Variants in NCKAP5 observed in about 807,000 individuals in gnomAD.
The protein encoded by NCKAP5 is nck-associated protein 5.
NCKAP5 carries 92 observed loss-of-function variants against 167.0 expected under a neutral mutation model. That is an observed-to-expected ratio of 0.55 (90% CI 0.47 to 0.66). The LOEUF (loss-of-function observed/expected upper bound fraction) is 0.66. NCKAP5 is among the 30% of genes least tolerant of loss of function. The pLI is 0.00. For missense variants in NCKAP5, 2,378 were observed against 2,315.0 expected (o/e 1.03, Z -0.56); for synonymous variants, 891 against 877.4 (o/e 1.02, Z -0.27).
intron 6 of NCKAP5, among the ~76,000 whole-genome samples, chr2:133,077,982 A>G (rs1366287693): frequency 6.6e-6 from 1 of 152,178 alleles, no homozygotes; most frequent in Non-Finnish European, 1.5e-5. Flanking sequence ...TCTCTGAAGA[A>G]AAAAGAAGAC....
At chr2:132,988,620 G>A (rs2077364846) in intron 7 of NCKAP5, among the ~76,000 whole-genome samples, 1 of 152,142 alleles carries the variant, frequency 6.6e-6, no homozygotes, top group Non-Finnish European at 1.5e-5. Flanking sequence ...GCTTCCCTTA[G>A]GGCAGACAGA....
At chr2:133,446,440 T>C (rs1455523922) in intron 3 of NCKAP5, among the ~76,000 whole-genome samples, 1 of 152,202 alleles carries the variant, frequency 6.6e-6, no homozygotes, top group Non-Finnish European at 1.5e-5. Flanking sequence ...TAATAACTCA[T>C]TTAATTCTTA....
At chr2:133,673,559 A>G in the NCKAP5 span, among the ~76,000 whole-genome samples, 1 of 152,358 alleles carries the variant, frequency 6.6e-6, no homozygotes, top group African/African-American at 2.4e-5. Flanking sequence ...CAGAGGGTAC[A>G]GAGCTGAGGC....
chr2:133,603,513 C>T, the NCKAP5 span, among the ~76,000 whole-genome samples: 18 of 152,086 alleles, frequency 1.2e-4, no homozygotes, highest in South Asian at 3.7e-3. Flanking sequence ...GCGTGAGCCA[C>T]CGTGCCCAGC....
intron 15 of NCKAP5, 34 bp from the exon 16 acceptor site, chr2:132,773,928 T>C (rs1347395199): frequency 6.4e-7 from 1 of 1,571,308 alleles, no homozygotes. Context: ...AAGTTCTTAT[T>C]TGTTTTATTA....
intron 1 of NCKAP5, among the ~76,000 whole-genome samples, chr2:133,560,841 A>G (rs752203199): frequency 1.8e-4 from 28 of 152,340 alleles, no homozygotes; most frequent in Admixed American, 5.2e-4. Flanking sequence ...ACTGAAATGT[A>G]GGCAGCAAGT....
chr2:133,325,175 AT>A (rs1376970642), intron 3 of NCKAP5, among the ~76,000 whole-genome samples: 1 of 152,182 alleles, frequency 6.6e-6, no homozygotes, highest in African/African-American at 2.4e-5. Context: ...AGGCACTGGA[AT>A]GCAGAACCAT....
the NCKAP5 span, among the ~76,000 whole-genome samples, chr2:133,615,075 A>T: frequency 6.6e-6 from 1 of 150,800 alleles, no homozygotes; most frequent in Non-Finnish European, 1.5e-5. Context: ...GGAGAAATAA[A>T]ATACTTTACA....
chr2:133,088,523 T>A (rs766367440), intron 6 of NCKAP5, among the ~76,000 whole-genome samples: 1 of 152,118 alleles, frequency 6.6e-6, no homozygotes, highest in Non-Finnish European at 1.5e-5. Flanking sequence ...TACCTCCTAC[T>A]CTAACCACCC....
chr2:133,063,614 TA>T (rs2080086399), intron 6 of NCKAP5, among the ~76,000 whole-genome samples: 1 of 152,294 alleles, frequency 6.6e-6, no homozygotes, highest in African/African-American at 2.4e-5. Flanking sequence ...TTTTTCCCAA[TA>T]ACTGCTGGCC....
At chr2:133,131,480 G>T (rs2082600677) in intron 5 of NCKAP5, among the ~76,000 whole-genome samples, 1 of 151,944 alleles carries the variant, frequency 6.6e-6, no homozygotes, top group Non-Finnish European at 1.5e-5. Context: ...ATAAATATTT[G>T]TTCAAGATGC....
Position 133,087,637 on chromosome 2 carries a change from G to A in NCKAP5, c.341+42341C>T, listed in dbSNP as rs897459154. On this transcript the variant is annotated intron_variant, in intron 6 of 19. Transcript: ENST00000409261. ...GTGCTAGCCATTTATTTTGACAGTG[G>A]GGCTTGATGCACATCTCTACTGTTA... 9.2e-5 allele frequency among the ~76,000 whole-genome samples: 14 copies of A among 152,032 alleles called. 1 individual carries two copies. Among genetic ancestry groups the A allele is most frequent in the Non-Finnish European group, 1.5e-4 (10 of 67,998 alleles).
chr2:132,920,771 G>GTATATATATATATA (rs55895538), intron 8 of NCKAP5, among the ~76,000 whole-genome samples: 2 of 31,576 alleles, frequency 6.3e-5, no homozygotes, highest in African/African-American at 1.1e-4. Flanking sequence ...ATATATGTAT[G>GTATATATATATATA]TATATATATA....
At position 133,145,211 on chromosome 2, in the gene NCKAP5, A is replaced by G. The variant is rs187362549; in HGVS notation, c.208-15100T>C. On this transcript the variant is annotated intron_variant, in intron 5 of 19. Transcript: ENST00000409261. ...CATGGATTATACAGGTTGTAGCAGAAAAAAAAATCTATCTCCCTCTCTCTA... is the reference window on the plus strand; with the variant it reads ...CATGGATTATACAGGTTGTAGCAGAGAAAAAAATCTATCTCCCTCTCTCTA... 1.1e-3 allele frequency among the ~76,000 whole-genome samples: 161 copies of G among 152,100 alleles called. 1 individual carries two copies. The highest frequency in any genetic ancestry group is 3.8e-3 in the African/African-American group (156 of 41,480).
intron 8 of NCKAP5, among the ~76,000 whole-genome samples, chr2:132,887,380 C>T (rs373050160): frequency 1.3e-5 from 2 of 149,598 alleles, no homozygotes; most frequent in African/African-American, 2.5e-5. Context: ...TCCATCCATC[C>T]ATCCATCCAT....
intron 3 of NCKAP5, among the ~76,000 whole-genome samples, chr2:133,447,871 T>G (rs1173715886): frequency 6.6e-6 from 1 of 152,142 alleles, no homozygotes; most frequent in Non-Finnish European, 1.5e-5. Flanking sequence ...TCTCTAAAGA[T>G]TAGCCAGTCT....
chr2:132,904,667 T>C (rs1052339959), intron 8 of NCKAP5, among the ~76,000 whole-genome samples: 5 of 152,198 alleles, frequency 3.3e-5, no homozygotes, highest in African/African-American at 1.2e-4. Flanking sequence ...ATTAGTACCA[T>C]CTAAACATTT....
chr2:132,778,976 T>TA (rs1682785994), intron 15 of NCKAP5, among the ~76,000 whole-genome samples: 3 of 152,288 alleles, frequency 2.0e-5, no homozygotes, highest in East Asian at 3.9e-4. Context: ...ATTTTACATT[T>TA]AAAAAAATGA....
chr2:132,737,602 A>T (rs115612672), intron 16 of NCKAP5, among the ~76,000 whole-genome samples: 3,779 of 152,072 alleles, frequency 0.025, 141 homozygotes, highest in African/African-American at 0.085. Flanking sequence ...TCATCTCACT[A>T]ATGAGTGTTA....
Sources: gnomAD v4.1 joint callset for allele counts (sites outside exome capture counted in the v4.1 genomes callset) on GRCh38, gnomAD v4.1.1 for gene constraint, MANE v1.5 for transcripts, NCBI Gene and HGNC (gene_info 2026-07-23, HGNC 2026-07-21) for gene names.